ASB9: variants seen among roughly 807,000 people sequenced by gnomAD.
The protein encoded by ASB9 is ankyrin repeat and SOCS box containing 9, also known as ankyrin repeat and SOCS box protein 9.
In ASB9, 5 loss-of-function variants were observed where a neutral mutation model predicts 16.6. The observed-to-expected ratio is 0.30, with a 90% CI of 0.16 to 0.63. The LOEUF is 0.63. Among genes scored for constraint, ASB9 ranks in the 30% least tolerant of loss-of-function variants. ASB9 has a pLI of 0.82. For synonymous variants in ASB9, 100 were observed against 86.4 expected (o/e 1.16, Z -0.87); for missense variants, 216 against 229.4 (o/e 0.94, Z 0.38).
intron 1 of ASB9, among the ~76,000 whole-genome samples, chrX:15,266,665 G>C (rs1926416841): frequency 8.9e-6 from 1 of 111,872 alleles, no homozygotes; most frequent in African/African-American, 3.3e-5. Flanking sequence ...ATCCTGAACA[G>C]TTGGCTCACG....
chrX:15,261,288 G>A (rs1331643689), intron 1 of ASB9, among the ~76,000 whole-genome samples: 1 of 112,077 alleles, frequency 8.9e-6, no homozygotes, highest in African/African-American at 3.2e-5. Flanking sequence ...CACAAATTGA[G>A]AAAGGTTTTG....
At chrX:15,249,008 A>G in intron 5 of ASB9, 73 bp from the exon 6 acceptor site, 1 of 1,035,795 alleles carries the variant, frequency 9.7e-7, no homozygotes, top group South Asian at 2.9e-5. Flanking sequence ...CAAAGCCCCG[A>G]GCCCCAAAAT....
At chrX:15,256,742 C>T (rs1186520483) in intron 2 of ASB9, among the ~76,000 whole-genome samples, 1 of 87,948 alleles carries the variant, frequency 1.1e-5, no homozygotes, top group Non-Finnish European at 2.2e-5. Flanking sequence ...GGCGCCACTG[C>T]ACTCCAGCCT....
At chrX:15,257,400 A>G (rs1925657901) in intron 2 of ASB9, among the ~76,000 whole-genome samples, 1 of 110,632 alleles carries the variant, frequency 9.0e-6, no homozygotes, top group Non-Finnish European at 1.9e-5. Context: ...GTGAAACTCC[A>G]TCTCAAAAAA....
At chrX:15,267,415 A>ATATATATATATAT (rs1303441346) in intron 1 of ASB9, among the ~76,000 whole-genome samples, 1 of 48,306 alleles carries the variant, frequency 2.1e-5, no homozygotes, top group African/African-American at 7.2e-5. Context: ...ATCTAAAAAA[A>ATATATATATATAT]AAATATATAT....
intron 3 of ASB9, among the ~76,000 whole-genome samples, 170 bp downstream of exon 3, chrX:15,254,567 C>T (rs1178766007): frequency 8.9e-6 from 1 of 112,372 alleles, no homozygotes; most frequent in Admixed American, 9.4e-5. Context: ...TTTAGTATTT[C>T]ATCCATCCAT....
chrX:15,266,915 G>C (rs1409080719), intron 1 of ASB9, among the ~76,000 whole-genome samples: 1 of 94,078 alleles, frequency 1.1e-5, no homozygotes, highest in African/African-American at 4.1e-5. Context: ...CAGCCTGGGC[G>C]ACAGAGCGAG....
At position 15,248,776 on chromosome X, in the gene ASB9, CT is replaced by C; in HGVS notation, c.727del (p.Ser243AlafsTer16). On this transcript the variant is annotated frameshift_variant, in exon 6 of 7. Coordinates refer to ENST00000380488, the MANE Select transcript of ASB9 (RefSeq NM_001031739.3). LOFTEE classifies it low-confidence loss of function (END_TRUNC). ...CTCCAAGAAGAGCTGGGCCAAGGGGCTCTCTGGAGGCACCAGCTCCACAGGA... is the reference window on the plus strand; with the variant it reads ...CTCCAAGAAGAGCTGGGCCAAGGGGCCTCTGGAGGCACCAGCTCCACAGGA... Reference protein sequence around the residue: ...KRPVELVPPESPLAQLFLERE... With the variant: ...KRPVELVPPEXPLAQLFLERE... The C allele has an allele frequency of 8.3e-7, 1 of 1,210,871 alleles. No individual in the cohort carries two copies. Among genetic ancestry groups the C allele is most frequent in the Non-Finnish European group, 1.1e-6 (1 of 894,918 alleles).
intron 1 of ASB9, among the ~76,000 whole-genome samples, chrX:15,266,374 A>C (rs1269312829): frequency 1.8e-5 from 2 of 112,076 alleles, no homozygotes; most frequent in African/African-American, 3.2e-5. Context: ...TACCATGTTA[A>C]TTGACCTACA....
At chrX:15,245,849 GAAC>G (rs1238687623) in intron 6 of ASB9, among the ~76,000 whole-genome samples, 3 of 112,061 alleles carry the variant, frequency 2.7e-5, no homozygotes, top group East Asian at 5.6e-4. Context: ...AGGTGATGCA[GAAC>G]AAGGAGAGAT....
intron 1 of ASB9, among the ~76,000 whole-genome samples, chrX:15,262,457 T>A (rs1346332022): frequency 8.9e-6 from 1 of 112,283 alleles, no homozygotes; most frequent in Admixed American, 9.5e-5. Context: ...TTGTTAAGCC[T>A]GTCACAGTAT....
Position 15,254,794 on chromosome X carries a change from T to C in ASB9, c.225A>G (p.Glu75=). The change falls in exon 3 of 7, where the codon GAA becomes GAG. Residue 75 remains glutamate (E), a synonymous_variant. Coordinates refer to ENST00000380488, the MANE Select transcript of ASB9 (RefSeq NM_001031739.3). ...ITADHVSPLH[E]ACLGGHLSCV... Reference sequence around the variant, plus strand: ...AAGAGAGATGACCTCCAAGACAGGCTTCATGGAGTGGGGAAACATGATCTG... The same window carrying C: ...AAGAGAGATGACCTCCAAGACAGGCCTCATGGAGTGGGGAAACATGATCTG... The C allele has an allele frequency of 8.3e-7, 1 of 1,210,849 alleles. No individual in the cohort carries two copies. The highest frequency in any genetic ancestry group is 1.1e-6 in the Non-Finnish European group (1 of 895,064).
At chrX:15,260,381 C>CA (rs774815328) in intron 1 of ASB9, among the ~76,000 whole-genome samples, 2 of 111,906 alleles carry the variant, frequency 1.8e-5, no homozygotes, top group Non-Finnish European at 3.8e-5. Context: ...CTGGGTGACA[C>CA]AGTGAGACTC....
intron 3 of ASB9, 91 bp from the exon 4 acceptor site, chrX:15,252,495 C>A: frequency 1.1e-6 from 1 of 871,597 alleles, no homozygotes; most frequent in Non-Finnish European, 1.6e-6. Flanking sequence ...TATTTAACAT[C>A]TCTGAGCCTT....
intron 1 of ASB9, among the ~76,000 whole-genome samples, chrX:15,261,521 C>T (rs904836536): frequency 2.6e-4 from 29 of 111,919 alleles, no homozygotes; most frequent in Admixed American, 6.7e-4. Flanking sequence ...ATAAAAATGA[C>T]GCATTTATCA....
chrX:15,258,666 T>C (rs189461597), intron 2 of ASB9, among the ~76,000 whole-genome samples, 200 bp downstream of exon 2: 109 of 112,478 alleles, frequency 9.7e-4, no homozygotes, highest in Non-Finnish European at 1.7e-3. Context: ...ACAGATATTT[T>C]CTATTGTATT....
chrX:15,267,254 ACCCC>A (rs765009214), intron 1 of ASB9, among the ~76,000 whole-genome samples: 8,240 of 91,038 alleles, frequency 0.091, 13 homozygotes, highest in African/African-American at 0.25. Flanking sequence ...AAAAAAAAAC[ACCCC>A]AAAAAATTAG....
At chrX:15,267,467 G>A (rs1330426182) in intron 1 of ASB9, among the ~76,000 whole-genome samples, 2 of 91,302 alleles carry the variant, frequency 2.2e-5, no homozygotes, top group East Asian at 3.4e-4. Context: ...AAAAGTGGCC[G>A]GGCGTGGTGG....
At chrX:15,266,425 C>G (rs1926397105) in intron 1 of ASB9, among the ~76,000 whole-genome samples, 1 of 111,917 alleles carries the variant, frequency 8.9e-6, no homozygotes, top group East Asian at 2.8e-4. Context: ...ACCAATGGCT[C>G]TCAATTTCCT....
Sources: gnomAD v4.1 joint callset for allele counts (sites outside exome capture counted in the v4.1 genomes callset) on GRCh38, gnomAD v4.1.1 for gene constraint, MANE v1.5 for transcripts, NCBI Gene and HGNC (gene_info 2026-07-23, HGNC 2026-07-21) for gene names.